CHP1: variants seen among roughly 807,000 people sequenced by gnomAD.
CHP1 encodes calcineurin like EF-hand protein 1.
CHP1 carries 11 observed loss-of-function variants against 27.4 expected under a neutral mutation model. That is an observed-to-expected ratio of 0.40 (90% confidence interval 0.25 to 0.67). The LOEUF (loss-of-function observed/expected upper bound fraction) is 0.67, where lower values mean the gene tolerates loss of function less well. CHP1 is among the 30% of genes least tolerant of loss of function. The pLI, the probability that CHP1 is intolerant of heterozygous loss-of-function variation, is 0.38. For missense variants in CHP1, 169 were observed against 251.3 expected (o/e 0.67, Z 2.22); for synonymous variants, 89 against 87.4 (o/e 1.02, Z -0.10).
intron 5 of CHP1, among the ~76,000 whole-genome samples, chr15:41,275,580 T>C (rs1032686561): frequency 1.3e-5 from 2 of 152,196 alleles, no homozygotes; most frequent in Non-Finnish European, 2.9e-5. Context: ...GTTGATTGAC[T>C]GATAGGGTCT....
intron 2 of CHP1, among the ~76,000 whole-genome samples, chr15:41,245,006 C>T (rs944118254): frequency 9.9e-5 from 15 of 152,148 alleles, no homozygotes; most frequent in Non-Finnish European, 2.1e-4. Context: ...TGGACGTAAT[C>T]ATCACCCCAA....
In CHP1 at chr15:41,280,477, T is replaced by TA. The variant is rs2047539720; in HGVS notation, c.*1089dup. ...CATTTCCAAGTAGAAATATTAGTGT[T>TA]ACGGAAGTGCCTAATATCCCAGTCC... On this transcript the variant is annotated 3_prime_UTR_variant, in exon 7 of 7. Coordinates refer to ENST00000334660, the MANE Select transcript of CHP1 (RefSeq NM_007236.5). 2.0e-5 allele frequency: 3 copies of TA among 152,806 alleles called. No homozygotes were observed. The highest frequency in any genetic ancestry group is 7.2e-5 in the African/African-American group (3 of 41,462). 9.5% of individuals were successfully genotyped at this position (152,806 alleles called of 1,614,324 possible).
chr15:41,264,183 T>C (rs1467343106), intron 4 of CHP1: 3 of 1,286,656 alleles, frequency 2.3e-6, no homozygotes, highest in African/African-American at 1.5e-5. Flanking sequence ...GAGAGATATA[T>C]ATAGAGAGAG....
At chr15:41,252,327 C>A (rs1344533682) in intron 2 of CHP1, among the ~76,000 whole-genome samples, 1 of 152,026 alleles carries the variant, frequency 6.6e-6, no homozygotes, top group African/African-American at 2.4e-5. Flanking sequence ...CGCCACCACG[C>A]CCGTCTGATT....
chr15:41,263,596 T>C (rs1300315934), intron 4 of CHP1, among the ~76,000 whole-genome samples: 1 of 152,230 alleles, frequency 6.6e-6, no homozygotes, highest in Non-Finnish European at 1.5e-5. Context: ...GACTGAAGGC[T>C]GGGCGCAGTG....
At chr15:41,243,529 T>G in intron 1 of CHP1, 138 bp from the exon 2 acceptor site, 2 of 607,382 alleles carry the variant, frequency 3.3e-6, no homozygotes, top group Non-Finnish European at 5.9e-6. Context: ...GCTTTTAAAC[T>G]TTCTGCTTTA....
chr15:41,241,772 C>T (rs1172584832), intron 1 of CHP1, among the ~76,000 whole-genome samples: 2 of 152,202 alleles, frequency 1.3e-5, no homozygotes, highest in Non-Finnish European at 2.9e-5. Flanking sequence ...CCACTCACTA[C>T]CTGCTTGTCC....
At chr15:41,265,722 A>C (rs953161497) in intron 4 of CHP1, among the ~76,000 whole-genome samples, 1 of 151,986 alleles carries the variant, frequency 6.6e-6, no homozygotes, top group African/African-American at 2.4e-5. Flanking sequence ...AAAAAAAAAA[A>C]AAGAAATGTG....
At chr15:41,264,348 G>C (rs2047449965) in intron 4 of CHP1, 2 of 440,386 alleles carry the variant, frequency 4.5e-6, no homozygotes, top group South Asian at 5.4e-5. Context: ...GTTCTGCTAA[G>C]GAAAAAGGTT....
intron 2 of CHP1, among the ~76,000 whole-genome samples, chr15:41,253,456 T>G (rs1264073125): frequency 6.6e-6 from 1 of 150,424 alleles, no homozygotes; most frequent in African/African-American, 2.5e-5. Flanking sequence ...TTTATTTATT[T>G]ATTTATTTAT....
intron 2 of CHP1, among the ~76,000 whole-genome samples, chr15:41,248,415 C>T (rs1220835677): frequency 6.6e-6 from 1 of 152,018 alleles, no homozygotes; most frequent in African/African-American, 2.4e-5. Flanking sequence ...CTTGGTGCTT[C>T]TCCTGTTATT....
At chr15:41,249,107 G>A (rs1403414531) in intron 2 of CHP1, among the ~76,000 whole-genome samples, 1 of 152,136 alleles carries the variant, frequency 6.6e-6, no homozygotes, top group Non-Finnish European at 1.5e-5. Flanking sequence ...ATGTTTCCAG[G>A]ACCCATCAGA....
chr15:41,242,719 G>A (rs1271819159), intron 1 of CHP1, among the ~76,000 whole-genome samples: 3 of 152,078 alleles, frequency 2.0e-5, no homozygotes, highest in Non-Finnish European at 4.4e-5. Context: ...TGAGGCAGGT[G>A]GATCACCTGA....
At position 41,262,690 on chromosome 15, in the gene CHP1, A is replaced by T. The variant is rs146138265; in HGVS notation, c.222-66A>T. The T allele has an allele frequency of 2.7e-3, 4,235 of 1,592,362 alleles. 111 individuals carry two copies. The East Asian group carries it at 0.038, about 14-fold the overall frequency. On this transcript the variant is annotated intron_variant, in intron 3 of 6. Transcript: ENST00000334660. The stretch of plus-strand genomic sequence containing the variant: ...CCGTAGCTAAAGCTGTTGCCAGTAT[A>T]TTTAATTCATAAGAAATAATCACCG...
chr15:41,265,669 C>A (rs535331871), intron 4 of CHP1, among the ~76,000 whole-genome samples: 49 of 151,182 alleles, frequency 3.2e-4, no homozygotes, highest in Non-Finnish European at 6.8e-4. Context: ...CGAGATTGCA[C>A]CATTACTCTC....
At chr15:41,261,166 T>C (rs551521296) in intron 3 of CHP1, among the ~76,000 whole-genome samples, 21 of 150,680 alleles carry the variant, frequency 1.4e-4, no homozygotes, top group Non-Finnish European at 2.2e-4. Flanking sequence ...TTTCCTTTTC[T>C]TTTTTTTTGA....
At chr15:41,253,217 G>A (rs958848817) in intron 2 of CHP1, among the ~76,000 whole-genome samples, 2 of 151,772 alleles carry the variant, frequency 1.3e-5, no homozygotes, top group African/African-American at 2.4e-5. Context: ...GATTACAGGC[G>A]TGAGCCACTG....
At chr15:41,238,913 G>A (rs1023909477) in intron 1 of CHP1, among the ~76,000 whole-genome samples, 1 of 152,140 alleles carries the variant, frequency 6.6e-6, no homozygotes, top group African/African-American at 2.4e-5. Context: ...GTCAACTCCT[G>A]TTATTTCCTT....
chr15:41,275,347 G>T (rs2047514387), intron 5 of CHP1, among the ~76,000 whole-genome samples: 1 of 151,960 alleles, frequency 6.6e-6, no homozygotes, highest in Non-Finnish European at 1.5e-5. Context: ...TAGAGATGGG[G>T]TTTCACCATG....
Sources: gnomAD v4.1 joint callset for allele counts (sites outside exome capture counted in the v4.1 genomes callset) on GRCh38, gnomAD v4.1.1 for gene constraint, MANE v1.5 for transcripts, NCBI Gene and HGNC (gene_info 2026-07-23, HGNC 2026-07-21) for gene names.